Variants in BABAM2 observed in about 807,000 individuals in gnomAD.
The protein encoded by BABAM2 is BRISC and BRCA1-A complex member 2.
Under a neutral mutation model 54.7 loss-of-function variants are expected in BABAM2, and 31 were observed. The observed-to-expected ratio is 0.57, with a 90% CI of 0.43 to 0.77. The LOEUF (loss-of-function observed/expected upper bound fraction) is 0.77. Ranked by LOEUF, BABAM2 falls within the 30% of genes least tolerant of loss-of-function variation. The pLI, the probability that BABAM2 is intolerant of heterozygous loss-of-function variation, is 0.00. For synonymous variants in BABAM2, 167 were observed against 162.9 expected (o/e 1.03, Z -0.19); for missense variants, 364 against 455.8 (o/e 0.80, Z 1.83).
At chr2:27,918,263 A>G (rs1344216076) in intron 2 of BABAM2, among the ~76,000 whole-genome samples, 1 of 152,146 alleles carries the variant, frequency 6.6e-6, no homozygotes. Flanking sequence ...GCCCCTTACA[A>G]CTACTGTTCT....
chr2:28,084,926 C>A (rs993939799), intron 6 of BABAM2, among the ~76,000 whole-genome samples: 2 of 152,118 alleles, frequency 1.3e-5, no homozygotes, highest in African/African-American at 4.8e-5. Context: ...CTCCCAGCGT[C>A]ATTTTACTTA....
rs572734032 is a variant in BABAM2, at chr2:28,037,311, C to T, written c.496-8414C>T. ...TTCCCCCTTTTTATGCAAATGGTAA[C>T]GTATATTATGCACTGTTTTGGATCT... On this transcript the variant is annotated intron_variant, in intron 5 of 11. Transcript: ENST00000379624. 1.3e-4 allele frequency among the ~76,000 whole-genome samples: 20 copies of T among 152,076 alleles called. No homozygotes were observed. In the East Asian group the frequency reaches 1.7e-3, roughly 13 times the overall value.
chr2:28,083,090 G>C (rs146588413), intron 6 of BABAM2, among the ~76,000 whole-genome samples: 663 of 152,200 alleles, frequency 4.4e-3, no homozygotes, highest in Non-Finnish European at 7.1e-3. Flanking sequence ...AGTCTTTCCA[G>C]CTCCATTTCT....
chr2:27,924,975 A>G (rs1011104772), intron 2 of BABAM2, among the ~76,000 whole-genome samples: 7 of 152,038 alleles, frequency 4.6e-5, no homozygotes, highest in African/African-American at 1.7e-4. Flanking sequence ...GAGACCTACT[A>G]ATGGCAGCTT....
At chr2:28,041,027 G>A (rs905806890) in intron 5 of BABAM2, among the ~76,000 whole-genome samples, 2 of 152,090 alleles carry the variant, frequency 1.3e-5, no homozygotes, top group African/African-American at 4.8e-5. Context: ...GCTAAAATAG[G>A]GCAAAAGAGC....
intron 10 of BABAM2, among the ~76,000 whole-genome samples, chr2:28,284,736 A>G (rs1686652336): frequency 1.3e-5 from 2 of 152,212 alleles, no homozygotes; most frequent in South Asian, 4.1e-4. Flanking sequence ...TTAGTTTTCA[A>G]CTTGTTTTGA....
chr2:28,250,339 T>TTAGC (rs397690334), intron 10 of BABAM2, among the ~76,000 whole-genome samples: 2 of 149,598 alleles, frequency 1.3e-5, no homozygotes, highest in African/African-American at 2.5e-5. Context: ...TTTTTTTTTT[T>TTAGC]AGCTATCTAA....
intron 5 of BABAM2, among the ~76,000 whole-genome samples, chr2:28,043,565 A>ACTCTATGCTG (rs1677306742): frequency 6.6e-6 from 1 of 151,770 alleles, no homozygotes; most frequent in African/African-American, 2.4e-5. Context: ...CTCCCATTTA[A>ACTCTATGCTG]CTCTATGCTG....
At chr2:28,330,422 T>C (rs1308912469) in intron 11 of BABAM2, among the ~76,000 whole-genome samples, 1 of 152,168 alleles carries the variant, frequency 6.6e-6, no homozygotes, top group Admixed American at 6.5e-5. Context: ...TGATCTTATA[T>C]CTAGAAAACC....
chr2:28,241,340 A>G lies in BABAM2; in HGVS notation c.798A>G (p.Gln266=), dbSNP rs1261314443. The G allele has an allele frequency of 1.2e-6, 2 of 1,613,938 alleles. No homozygotes were observed. The highest frequency in any genetic ancestry group is 2.7e-5 in the African/African-American group (2 of 74,922). Residue 266 remains glutamine (Q), a synonymous_variant, in exon 9 of 12, where the codon CAA becomes CAG. Transcript: ENST00000379624. ...TATTCCAGGTGCAGTACGTGATTCA[A>G]GGGTATCACAAAAGAAGAGAGTATA... ...LLTNKVQYVI[Q]GYHKRREYIA... is the part of the protein sequence containing the mutation.
intron 7 of BABAM2, among the ~76,000 whole-genome samples, chr2:28,179,059 A>T (rs1057435323): frequency 1.3e-5 from 2 of 152,120 alleles, no homozygotes; most frequent in African/African-American, 4.8e-5. Flanking sequence ...TACCAAACTT[A>T]TAAAGGAGAA....
At chr2:28,184,901 T>C (rs140617998) in intron 7 of BABAM2, among the ~76,000 whole-genome samples, 2,006 of 152,366 alleles carry the variant, frequency 0.013, 29 homozygotes, top group South Asian at 0.05. Context: ...CTTCATGAGA[T>C]GGCTTTAATT....
chr2:28,096,866 A>G (rs1666676740), intron 6 of BABAM2, among the ~76,000 whole-genome samples: 1 of 152,070 alleles, frequency 6.6e-6, no homozygotes, highest in Non-Finnish European at 1.5e-5. Context: ...GAGTAGAATT[A>G]TTGGGCCAAA....
intron 4 of BABAM2, among the ~76,000 whole-genome samples, chr2:28,013,554 A>G (rs904778421): frequency 1.3e-5 from 2 of 151,888 alleles, no homozygotes; most frequent in African/African-American, 4.8e-5. Context: ...AAGAATATAT[A>G]ACTGTCATAT....
At chr2:27,916,109 A>C (rs1320435250) in intron 2 of BABAM2, among the ~76,000 whole-genome samples, 14 of 152,234 alleles carry the variant, frequency 9.2e-5, no homozygotes, top group Admixed American at 2.0e-4. Flanking sequence ...TGAGAATCAG[A>C]GCTATTGGAG....
At chr2:28,197,056 T>C (rs998565214) in intron 7 of BABAM2, among the ~76,000 whole-genome samples, 1 of 151,768 alleles carries the variant, frequency 6.6e-6, no homozygotes, top group Admixed American at 6.6e-5. Flanking sequence ...TATGTGTGTA[T>C]GCCCAGGCTG....
intron 4 of BABAM2, among the ~76,000 whole-genome samples, chr2:28,017,635 C>T (rs868653003): frequency 1.3e-5 from 2 of 152,220 alleles, no homozygotes; most frequent in South Asian, 2.1e-4. Flanking sequence ...TCATTCTAAT[C>T]ATTCCCAAAA....
At chr2:28,285,488 G>A (rs1476744070) in intron 10 of BABAM2, among the ~76,000 whole-genome samples, 1 of 152,164 alleles carries the variant, frequency 6.6e-6, no homozygotes, top group African/African-American at 2.4e-5. Context: ...AAAGGATAAT[G>A]TAGAAATAAA....
At chr2:28,065,457 TA>T (rs1376006430) in intron 6 of BABAM2, among the ~76,000 whole-genome samples, 1 of 152,120 alleles carries the variant, frequency 6.6e-6, no homozygotes, top group African/African-American at 2.4e-5. Context: ...TTCTCCTTAA[TA>T]TCGCCTCTGT....
Sources: allele counts gnomAD v4.1 joint callset (sites outside exome capture counted in the v4.1 genomes callset), GRCh38; gene constraint gnomAD v4.1.1; transcripts MANE v1.5; gene names NCBI Gene and HGNC (gene_info 2026-07-23, HGNC 2026-07-21).